The following IPO9 variants were observed in gnomAD, a reference collection of about 807,000 sequenced individuals.
The protein encoded by IPO9 is importin 9.
Under a neutral mutation model 128.6 loss-of-function variants are expected in IPO9, and 28 were observed. The ratio of observed to expected loss-of-function variants is 0.22; its 90% CI spans 0.16 to 0.30. The LOEUF is 0.30. Ranked by LOEUF, IPO9 falls within the 10% of genes least tolerant of loss-of-function variation. The pLI is 1.00. For missense variants in IPO9, 935 were observed against 1,293.9 expected, an observed-to-expected ratio of 0.72 and a Z score of 4.26; for synonymous variants, 455 against 475.8, an observed-to-expected ratio of 0.96 and a Z score of 0.57.
chr1:201,863,638 G>C, intron 14 of IPO9, 31 bp downstream of exon 14: 2 of 1,548,908 alleles, frequency 1.3e-6, no homozygotes, highest in Non-Finnish European at 1.8e-6. Flanking sequence ...TGATAATTAA[G>C]GGAAAGTTGC....
intron 1 of IPO9, among the ~76,000 whole-genome samples, chr1:201,845,184 T>G (rs1244790203): frequency 6.6e-6 from 1 of 152,134 alleles, no homozygotes; most frequent in African/African-American, 2.4e-5. Context: ...ATCCGGCTAA[T>G]TTTGTATTTT....
rs1365138712 is a variant in IPO9, at chr1:201,840,920, G to A, written c.164-6359G>A. Among the ~76,000 whole-genome samples, 3 of 152,140 alleles carry A rather than the reference G, an allele frequency of 2.0e-5. No homozygotes were observed. The East Asian group carries it at 5.8e-4, about 29-fold the overall frequency. On this transcript the variant is annotated intron_variant, in intron 1 of 23. Coordinates refer to ENST00000361565, the MANE Select transcript of IPO9 (RefSeq NM_018085.5). The stretch of plus-strand genomic sequence containing the variant: ...TTACCTGCCTGCATGTAGTGGGTGG[G>A]GAATAGTTGTAAAGAAGTGGGTAAT...
chr1:201,862,492 T>C (rs934844155), intron 13 of IPO9, among the ~76,000 whole-genome samples: 1 of 150,762 alleles, frequency 6.6e-6, no homozygotes, highest in African/African-American at 2.4e-5. Context: ...GGGAATAAAC[T>C]AGCAATGGAG....
chr1:201,846,372 T>TTTTG (rs1173078585), intron 1 of IPO9, among the ~76,000 whole-genome samples: 2 of 152,178 alleles, frequency 1.3e-5, no homozygotes, highest in African/African-American at 4.8e-5. Context: ...TTTTGTTTTG[T>TTTTG]TTTGTTTGTT....
chr1:201,865,168 A>T (rs1183312488), intron 14 of IPO9, among the ~76,000 whole-genome samples: 2 of 146,272 alleles, frequency 1.4e-5, no homozygotes, highest in Non-Finnish European at 3.0e-5. Flanking sequence ...AGACTGGCTT[A>T]TGTCCGTGTC....
In IPO9 at chr1:201,876,536, T is replaced by TG. The variant is rs1485636599; in HGVS notation, c.*485dup. Reference sequence around the variant, plus strand: ...TTTGTGCCCTGGACCACTGCTGCTCTGGGTTCTCAGGAGGAACAGGCAAGA... The same window carrying TG: ...TTTGTGCCCTGGACCACTGCTGCTCTGGGGTTCTCAGGAGGAACAGGCAAGA... On this transcript the variant is annotated 3_prime_UTR_variant, in exon 24 of 24. Coordinates refer to ENST00000361565, the MANE Select transcript of IPO9 (RefSeq NM_018085.5). 4.5e-6 allele frequency: 1 copy of TG among 224,076 alleles called. No individual in the cohort carries two copies. The highest frequency in any genetic ancestry group is 1.1e-4 in the East Asian group (1 of 9,342). The allele number at this position is 224,076 out of a possible 1,614,324, so 13.9% of individuals were successfully genotyped here. A position where few individuals can be genotyped will look rare whatever the true frequency, so the allele number is the denominator to read the frequency against.
chr1:201,864,832 T>C (rs1424473249), intron 14 of IPO9, among the ~76,000 whole-genome samples: 1 of 152,240 alleles, frequency 6.6e-6, no homozygotes, highest in African/African-American at 2.4e-5. Flanking sequence ...AAGTTTATAT[T>C]ACTTTTATAA....
intron 22 of IPO9, 48 bp downstream of exon 22, chr1:201,874,984 C>T: frequency 1.4e-6 from 2 of 1,448,814 alleles, no homozygotes; most frequent in African/African-American, 1.4e-5. Flanking sequence ...CTTTTCTTTG[C>T]ACACTGATCC....
intron 14 of IPO9, among the ~76,000 whole-genome samples, chr1:201,864,931 G>A (rs900024658): frequency 6.6e-6 from 1 of 152,222 alleles, no homozygotes; most frequent in Non-Finnish European, 1.5e-5. Flanking sequence ...CTTGAGAGAT[G>A]TAACAGATAT....
chr1:201,843,425 C>CG (rs1389614988), intron 1 of IPO9, among the ~76,000 whole-genome samples: 25 of 152,010 alleles, frequency 1.6e-4, no homozygotes, highest in African/African-American at 4.8e-4. Flanking sequence ...AGGTGATGTG[C>CG]GGGAAAAAAG....
chr1:201,880,867 C>T lies in IPO9; in HGVS notation c.*4813C>T, dbSNP rs891181716. The T allele has an allele frequency of 5.3e-5, 8 of 152,196 alleles. No homozygotes were observed. The highest frequency in any genetic ancestry group is 5.2e-4 in the Admixed American group (8 of 15,284). The allele number at this position is 152,196 out of a possible 1,614,324, so 9.4% of individuals were successfully genotyped here. On this transcript the variant is annotated 3_prime_UTR_variant, in exon 24 of 24. Transcript: ENST00000361565. ...ACAGTATTCAATAAATTACATGAGA[C>T]ATTCAACACTTTATTATAAAATAGG...
At chr1:201,851,759 T>A (rs970994437) in intron 4 of IPO9, among the ~76,000 whole-genome samples, 1 of 152,208 alleles carries the variant, frequency 6.6e-6, no homozygotes, top group South Asian at 2.1e-4. Context: ...TAACTGAATG[T>A]TGACAGATGG....
At chr1:201,848,640 G>A (rs756361123) in intron 4 of IPO9, 46 bp downstream of exon 4, 16 of 1,582,976 alleles carry the variant, frequency 1.0e-5, no homozygotes, top group Admixed American at 6.7e-5. Flanking sequence ...GATCTCAAGC[G>A]ACAGGAGTAT....
rs1008041621 is a variant in IPO9, at chr1:201,877,538, T to C, written c.*1484T>C. ...AAATCATGGGGAGAAAGATGAAACCTGTGTTCCCCTTTTTTTGGTAGTGCC... is the reference window on the plus strand; with the variant it reads ...AAATCATGGGGAGAAAGATGAAACCCGTGTTCCCCTTTTTTTGGTAGTGCC... On this transcript the variant is annotated 3_prime_UTR_variant, in exon 24 of 24. Transcript: ENST00000361565. The C allele has an allele frequency of 1.3e-5, 2 of 152,066 alleles. No homozygotes were observed. Among genetic ancestry groups the C allele is most frequent in the Non-Finnish European group, 2.9e-5 (2 of 68,022 alleles). The allele number at this position is 152,066 out of a possible 1,614,324, so 9.4% of individuals were successfully genotyped here.
At chr1:201,840,687 A>G (rs1680020006) in intron 1 of IPO9, among the ~76,000 whole-genome samples, 1 of 152,230 alleles carries the variant, frequency 6.6e-6, no homozygotes, top group South Asian at 2.1e-4. Context: ...ATCTACATAT[A>G]TTATGCAGCT....
chr1:201,846,305 C>T (rs954948076), intron 1 of IPO9, among the ~76,000 whole-genome samples: 5 of 152,182 alleles, frequency 3.3e-5, no homozygotes, highest in African/African-American at 9.7e-5. Context: ...CTGGACAACT[C>T]GTGAAATCTC....
rs1478087707 is a variant in IPO9, at chr1:201,871,256, T to A, written c.2505T>A (p.Ala835=). 1 of 1,613,914 alleles carries A rather than the reference T, an allele frequency of 6.2e-7. No individual in the cohort carries two copies. Among genetic ancestry groups the A allele is most frequent in the Non-Finnish European group, 8.5e-7 (1 of 1,179,988 alleles). The part of the protein sequence containing the change: ...CSLPGPTGKP[A]LEFVMAEWTS... ...TCCCAGGACCTACTGGCAAACCTGCTCTAGAGTTTGTGATGGCTGAGTGGA... is the reference window on the plus strand; with the variant it reads ...TCCCAGGACCTACTGGCAAACCTGCACTAGAGTTTGTGATGGCTGAGTGGA... The change falls in exon 19 of 24, where the codon GCT becomes GCA. Residue 835 remains alanine, a synonymous_variant. Transcript: ENST00000361565.
intron 1 of IPO9, among the ~76,000 whole-genome samples, chr1:201,844,462 G>A (rs1377766386): frequency 1.3e-5 from 2 of 152,118 alleles, no homozygotes; most frequent in African/African-American, 4.8e-5. Flanking sequence ...AGGAGACATG[G>A]CAACCAGATA....
In IPO9 at chr1:201,878,917, G is replaced by A. The variant is rs1680829909; in HGVS notation, c.*2863G>A. On this transcript the variant is annotated 3_prime_UTR_variant, in exon 24 of 24. Coordinates refer to ENST00000361565, the MANE Select transcript of IPO9 (RefSeq NM_018085.5). Reference sequence around the variant, plus strand: ...AAAGGGCAGGGCTAAGTGGTTACAAGGAACTAAAAAGTTCAAGGTAAGACA... The same window carrying A: ...AAAGGGCAGGGCTAAGTGGTTACAAAGAACTAAAAAGTTCAAGGTAAGACA... The A allele has an allele frequency of 1.3e-5, 2 of 152,088 alleles. No homozygotes were observed. Among genetic ancestry groups the A allele is most frequent in the Admixed American group, 1.3e-4 (2 of 15,256 alleles). 9.4% of individuals were successfully genotyped at this position (152,088 alleles called of 1,614,324 possible).
Sources: gnomAD v4.1 joint callset for allele counts (sites outside exome capture counted in the v4.1 genomes callset) on GRCh38, gnomAD v4.1.1 for gene constraint, MANE v1.5 for transcripts, NCBI Gene and HGNC (gene_info 2026-07-23, HGNC 2026-07-21) for gene names.